GNAQ: variants seen among roughly 807,000 people sequenced by gnomAD.
GNAQ encodes G protein subunit alpha q.
Under a neutral mutation model 43.9 loss-of-function variants are expected in GNAQ, and 8 were observed. The observed-to-expected ratio is 0.18, with a 90% CI of 0.11 to 0.33. GNAQ has a LOEUF of 0.33. Ranked by LOEUF, GNAQ falls within the 10% of genes least tolerant of loss-of-function variation. The pLI is 1.00. For missense variants in GNAQ, 158 were observed against 450.8 expected, an observed-to-expected ratio of 0.35 and a Z score of 5.88; for synonymous variants, 155 against 170.7, an observed-to-expected ratio of 0.91 and a Z score of 0.71.
At chr9:77,960,884 G>A (rs1379939027) in intron 1 of GNAQ, among the ~76,000 whole-genome samples, 1 of 151,864 alleles carries the variant, frequency 6.6e-6, no homozygotes, top group Admixed American at 6.6e-5. Context: ...AAATACTAAC[G>A]AGCACAGGAG....
chr9:77,794,749 T>A (rs1258992739), intron 4 of GNAQ, among the ~76,000 whole-genome samples, 157 bp from the exon 5 acceptor site: 1 of 152,178 alleles, frequency 6.6e-6, no homozygotes, highest in African/African-American at 2.4e-5. Context: ...AATTACTAAT[T>A]TCTTATTACC....
At chr9:77,953,462 T>C (rs1039073949) in intron 1 of GNAQ, among the ~76,000 whole-genome samples, 14 of 152,190 alleles carry the variant, frequency 9.2e-5, no homozygotes, top group Admixed American at 5.2e-4. Context: ...CAAAATTACA[T>C]GGAGGAGAGG....
chr9:77,829,849 T>G lies in GNAQ; in HGVS notation c.322-14079A>C, dbSNP rs113611189. 5.6e-3 allele frequency among the ~76,000 whole-genome samples: 859 copies of G among 152,290 alleles called. 1 individual carries two copies. Among genetic ancestry groups the G allele is most frequent in the African/African-American group, 0.02 (811 of 41,558 alleles). On this transcript the variant is annotated intron_variant, in intron 2 of 6. Transcript: ENST00000286548. ...AAGTGCTGATCAGTGCTTCTCAAAC[T>G]GGGCTGAACATCAGCATCACCTGGG...
chr9:77,991,356 C>T (rs963523811), intron 1 of GNAQ, among the ~76,000 whole-genome samples: 3 of 152,064 alleles, frequency 2.0e-5, no homozygotes, highest in African/African-American at 7.2e-5. Flanking sequence ...TACAAACCAC[C>T]GTGGAATGGC....
chr9:77,895,446 T>C (rs1270026133), intron 2 of GNAQ, among the ~76,000 whole-genome samples: 1 of 152,158 alleles, frequency 6.6e-6, no homozygotes, highest in East Asian at 1.9e-4. Context: ...TGTTAGGCAC[T>C]GTACTATCCT....
At chr9:77,926,692 T>C (rs1480568276) in intron 1 of GNAQ, among the ~76,000 whole-genome samples, 1 of 152,066 alleles carries the variant, frequency 6.6e-6, no homozygotes, top group African/African-American at 2.4e-5. Context: ...AGGGTGTGAG[T>C]CCCAGAAAAA....
intron 1 of GNAQ, among the ~76,000 whole-genome samples, chr9:77,946,035 T>C (rs1822889790): frequency 6.6e-6 from 1 of 152,194 alleles, no homozygotes; most frequent in Non-Finnish European, 1.5e-5. Flanking sequence ...GAGAGCTTGA[T>C]AATCATTCCT....
intron 1 of GNAQ, among the ~76,000 whole-genome samples, chr9:77,990,646 T>C (rs1184862101): frequency 6.6e-6 from 1 of 152,244 alleles, no homozygotes; most frequent in Non-Finnish European, 1.5e-5. Context: ...TGTATGTGTA[T>C]ACATGTATAT....
chr9:77,856,259 TTTCAGAC>T (rs1293967705), intron 2 of GNAQ, among the ~76,000 whole-genome samples: 1 of 152,150 alleles, frequency 6.6e-6, no homozygotes, highest in East Asian at 1.9e-4. Flanking sequence ...CATCTTGTGA[TTTCAGAC>T]TTAGCTGGTT....
At chr9:77,822,183 A>G (rs190245064) in intron 2 of GNAQ, among the ~76,000 whole-genome samples, 2 of 152,296 alleles carry the variant, frequency 1.3e-5, no homozygotes, top group African/African-American at 4.8e-5. Flanking sequence ...TTGTTTGACC[A>G]TGGAAGCTTT....
intron 2 of GNAQ, among the ~76,000 whole-genome samples, chr9:77,914,531 G>A (rs1271946482): frequency 1.3e-5 from 2 of 151,978 alleles, no homozygotes; most frequent in Admixed American, 1.3e-4. Context: ...GCATGGTGGC[G>A]CATGCCTGTA....
chr9:77,777,907 T>TA (rs559884221), intron 5 of GNAQ, among the ~76,000 whole-genome samples: 109 of 152,150 alleles, frequency 7.2e-4, no homozygotes, highest in Middle Eastern at 3.4e-3. Flanking sequence ...AACAGTTTGG[T>TA]ATGTCCTGAA....
chr9:77,985,167 A>G (rs7861267), intron 1 of GNAQ, among the ~76,000 whole-genome samples: 47,365 of 151,890 alleles, frequency 0.31, 7,726 homozygotes, highest in South Asian at 0.45. Flanking sequence ...AAAATTAGCC[A>G]GGCATGGTGG....
At chr9:77,855,517 T>C (rs912171279) in intron 2 of GNAQ, among the ~76,000 whole-genome samples, 3 of 152,144 alleles carry the variant, frequency 2.0e-5, no homozygotes, top group African/African-American at 4.8e-5. Context: ...GTCATCTTTT[T>C]TTCGCCCTCT....
At chr9:77,779,845 C>G (rs1587913143) in intron 5 of GNAQ, among the ~76,000 whole-genome samples, 1 of 151,702 alleles carries the variant, frequency 6.6e-6, no homozygotes, top group Non-Finnish European at 1.5e-5. Flanking sequence ...TTCTTTGAAA[C>G]ACAATTTGCC....
At chr9:77,759,165 G>A (rs1431413717) in intron 5 of GNAQ, among the ~76,000 whole-genome samples, 2 of 152,100 alleles carry the variant, frequency 1.3e-5, no homozygotes, top group African/African-American at 4.8e-5. Context: ...ATGTAAAAAT[G>A]GCATTCCAAA....
intron 5 of GNAQ, among the ~76,000 whole-genome samples, chr9:77,792,429 A>G (rs1826590232): frequency 2.0e-5 from 3 of 152,166 alleles, no homozygotes; most frequent in Admixed American, 2.0e-4. Context: ...TTTAATTATG[A>G]CACATGATAA....
At chr9:77,859,301 T>C (rs1365624470) in intron 2 of GNAQ, among the ~76,000 whole-genome samples, 2 of 152,208 alleles carry the variant, frequency 1.3e-5, no homozygotes, top group Admixed American at 1.3e-4. Flanking sequence ...ATTCTTACAG[T>C]ACATTTAGAA....
chr9:77,774,784 G>C (rs139720484), intron 5 of GNAQ, among the ~76,000 whole-genome samples: 1 of 152,150 alleles, frequency 6.6e-6, no homozygotes, highest in African/African-American at 2.4e-5. Flanking sequence ...TATTTTATTA[G>C]ATTTTAATCT....
Sources: allele counts gnomAD v4.1 joint callset (sites outside exome capture counted in the v4.1 genomes callset), GRCh38; gene constraint gnomAD v4.1.1; transcripts MANE v1.5; gene names NCBI Gene and HGNC (gene_info 2026-07-23, HGNC 2026-07-21).